DOK6: variants seen among roughly 807,000 people sequenced by gnomAD.
DOK6 encodes docking protein 6.
In DOK6, 22 loss-of-function variants were observed where a neutral mutation model predicts 44.0. The ratio of observed to expected loss-of-function variants is 0.50; its 90% CI spans 0.36 to 0.71. The LOEUF is 0.71. Ranked by LOEUF, DOK6 falls within the 30% of genes least tolerant of loss-of-function variation. The pLI is 0.00. For synonymous variants in DOK6, 166 were observed against 145.5 expected (o/e 1.14, Z -1.01); for missense variants, 340 against 416.4 (o/e 0.82, Z 1.60).
intron 1 of DOK6, among the ~76,000 whole-genome samples, chr18:69,417,870 A>G (rs867557074): frequency 5.9e-5 from 9 of 152,092 alleles, no homozygotes; most frequent in Non-Finnish European, 8.8e-5. Flanking sequence ...AGAAATGTCT[A>G]TGTAGAACTT....
intron 2 of DOK6, among the ~76,000 whole-genome samples, chr18:69,587,078 G>A (rs1223920139): frequency 6.6e-6 from 1 of 152,150 alleles, no homozygotes; most frequent in Non-Finnish European, 1.5e-5. Context: ...TTACGTTCAT[G>A]TAATAACTAA....
In DOK6 at chr18:69,723,770, T is replaced by TA. The variant is rs1978293962; in HGVS notation, c.600-15193dup. Among the ~76,000 whole-genome samples, 4 of 152,258 alleles carry TA rather than the reference T, an allele frequency of 2.6e-5. No individual in the cohort carries two copies. The South Asian group carries it at 6.2e-4, about 24-fold the overall frequency. ...TATTTTGATCCTCATAGCAACCCTC[T>TA]AAGGTGTGAAAGGCAAGCAGTTTTA... On this transcript the variant is annotated intron_variant, in intron 5 of 7. Transcript: ENST00000382713.
At chr18:69,512,553 A>G (rs565417142) in intron 1 of DOK6, among the ~76,000 whole-genome samples, 5 of 152,134 alleles carry the variant, frequency 3.3e-5, no homozygotes, top group African/African-American at 1.2e-4. Flanking sequence ...CATGTTGGCC[A>G]GGTTGGTCTT....
intron 7 of DOK6, among the ~76,000 whole-genome samples, chr18:69,796,472 C>T (rs759119248): frequency 6.6e-6 from 1 of 152,144 alleles, no homozygotes; most frequent in Non-Finnish European, 1.5e-5. Context: ...CTTCTAAGAA[C>T]ATGAGACAGC....
At chr18:69,441,278 A>G (rs572668025) in intron 1 of DOK6, among the ~76,000 whole-genome samples, 133 of 152,270 alleles carry the variant, frequency 8.7e-4, no homozygotes, top group South Asian at 5.8e-3. Context: ...TGAGTACTTA[A>G]TTTTTGAAAT....
chr18:69,666,455 A>C (rs1985660158), intron 3 of DOK6, among the ~76,000 whole-genome samples: 1 of 152,146 alleles, frequency 6.6e-6, no homozygotes, highest in Non-Finnish European at 1.5e-5. Context: ...TAAATTAGAC[A>C]GGAAATGTTA....
At position 69,782,228 on chromosome 18, in the gene DOK6, T is replaced by TG; in HGVS notation, c.856+24355_856+24356insG. Among the ~76,000 whole-genome samples, 3 of 147,746 alleles carry TG rather than the reference T, an allele frequency of 2.0e-5. No homozygotes were observed. In the South Asian group the frequency reaches 6.4e-4, roughly 32 times the overall value. ...TTCTAAGATTTTTTTTTTTTTTTTT[T>TG]TGAGATGGTGTCTCGCTCTGTCACC... is the stretch of plus-strand genomic sequence containing the variant. On this transcript the variant is annotated intron_variant, in intron 7 of 7. Transcript: ENST00000382713.
At chr18:69,481,685 G>A (rs928359305) in intron 1 of DOK6, among the ~76,000 whole-genome samples, 3 of 152,038 alleles carry the variant, frequency 2.0e-5, no homozygotes, top group East Asian at 1.9e-4. Context: ...ATAAACATAC[G>A]TGTGCATGTG....
At chr18:69,758,651 AAG>A (rs1456880938) in intron 7 of DOK6, among the ~76,000 whole-genome samples, 1 of 152,226 alleles carries the variant, frequency 6.6e-6, no homozygotes, top group African/African-American at 2.4e-5. Flanking sequence ...ACTAGAAACT[AAG>A]AAAATAAGGC....
At chr18:69,693,697 G>C (rs1013049615) in intron 4 of DOK6, among the ~76,000 whole-genome samples, 1 of 152,030 alleles carries the variant, frequency 6.6e-6, no homozygotes, top group Non-Finnish European at 1.5e-5. Flanking sequence ...AGGCAACTGC[G>C]AGATCCACTT....
intron 1 of DOK6, among the ~76,000 whole-genome samples, chr18:69,467,962 T>C (rs1979976203): frequency 6.6e-6 from 1 of 152,156 alleles, no homozygotes; most frequent in Non-Finnish European, 1.5e-5. Flanking sequence ...CAGCTTGCAG[T>C]TTTGAAAAGC....
At chr18:69,538,579 C>A (rs1982183483) in intron 1 of DOK6, among the ~76,000 whole-genome samples, 1 of 152,034 alleles carries the variant, frequency 6.6e-6, no homozygotes, top group Non-Finnish European at 1.5e-5. Context: ...ATAGGAGTCT[C>A]ACTATATTGC....
intron 1 of DOK6, among the ~76,000 whole-genome samples, chr18:69,488,319 G>C (rs1243994333): frequency 6.6e-6 from 1 of 152,116 alleles, no homozygotes; most frequent in East Asian, 1.9e-4. Context: ...ATATGAAACT[G>C]GTCGAGTGGG....
At chr18:69,701,997 A>C (rs1986531095) in intron 5 of DOK6, among the ~76,000 whole-genome samples, 1 of 152,162 alleles carries the variant, frequency 6.6e-6, no homozygotes, top group South Asian at 2.1e-4. Flanking sequence ...ATACAAAAGC[A>C]TAAAAATATA....
intron 7 of DOK6, among the ~76,000 whole-genome samples, chr18:69,759,258 A>T (rs375602684): frequency 6.6e-5 from 10 of 152,302 alleles, no homozygotes; most frequent in African/African-American, 2.4e-4. Context: ...GCAGCCACAC[A>T]CTCAAATTGC....
chr18:69,846,086 T>C lies in DOK6; in HGVS notation c.*4703T>C, dbSNP rs572701769. 1.5e-4 allele frequency: 23 copies of C among 152,350 alleles called. No homozygotes were observed. The highest frequency in any genetic ancestry group is 4.6e-4 in the African/African-American group (19 of 41,596). 9.4% of individuals were successfully genotyped at this position (152,350 alleles called of 1,614,324 possible). A position where few individuals can be genotyped will look rare whatever the true frequency, so the allele number is the denominator to read the frequency against. Reference sequence around the variant, plus strand: ...AGACCTGCCACAAATCCTTACCTTCTTACTGAAGAATGTGACTATTGTAGC... The same window carrying C: ...AGACCTGCCACAAATCCTTACCTTCCTACTGAAGAATGTGACTATTGTAGC... On this transcript the variant is annotated 3_prime_UTR_variant, in exon 8 of 8. Transcript: ENST00000382713.
chr18:69,788,734 C>G (rs1444170648), intron 7 of DOK6, among the ~76,000 whole-genome samples: 10 of 152,124 alleles, frequency 6.6e-5, no homozygotes, highest in Admixed American at 6.6e-4. Context: ...AACAGAATCG[C>G]TGCCAGGTAA....
intron 7 of DOK6, among the ~76,000 whole-genome samples, chr18:69,818,839 C>T (rs893333650): frequency 6.6e-6 from 1 of 152,152 alleles, no homozygotes; most frequent in Admixed American, 6.6e-5. Context: ...CGAGAAAAGC[C>T]ACAGTCATAG....
intron 2 of DOK6, among the ~76,000 whole-genome samples, chr18:69,588,535 C>T (rs1451458458): frequency 6.6e-6 from 1 of 152,072 alleles, no homozygotes; most frequent in Non-Finnish European, 1.5e-5. Flanking sequence ...GACTTCTAGT[C>T]ACATCACATT....
Sources: allele counts gnomAD v4.1 joint callset (sites outside exome capture counted in the v4.1 genomes callset), GRCh38; gene constraint gnomAD v4.1.1; transcripts MANE v1.5; gene names NCBI Gene and HGNC (gene_info 2026-07-23, HGNC 2026-07-21).